Variants in KLF13 observed in about 807,000 individuals in gnomAD.
KLF13 encodes the protein KLF transcription factor 13.
A neutral mutation model predicts 16.7 loss-of-function variants in KLF13; 8 were observed. The observed-to-expected ratio is 0.48, with a 90% CI of 0.28 to 0.87. The LOEUF is 0.87. Among genes scored for constraint, KLF13 ranks in the 40% least tolerant of loss-of-function variants. The probability of loss-of-function intolerance (pLI) is 0.10; values close to 1 mark genes in which losing one functional copy is unlikely to be tolerated. For missense variants in KLF13, 447 were observed against 452.2 expected, an observed-to-expected ratio of 0.99 and a Z score of 0.10; for synonymous variants, 245 against 208.4, an observed-to-expected ratio of 1.18 and a Z score of -1.51.
chr15:31,424,697 T>A (rs1351333279), intron 1 of KLF13, among the ~76,000 whole-genome samples: 1 of 152,110 alleles, frequency 6.6e-6, no homozygotes, highest in Non-Finnish European at 1.5e-5. Flanking sequence ...GAAAGCTTTA[T>A]CTCTAAGGTT....
chr15:31,425,117 T>C (rs1052936626), intron 1 of KLF13, among the ~76,000 whole-genome samples: 1 of 152,036 alleles, frequency 6.6e-6, no homozygotes, highest in Non-Finnish European at 1.5e-5. Context: ...CTACAAAACA[T>C]TGCTGAAAGA....
chr15:31,383,185 C>CT (rs2039749186), intron 1 of KLF13, among the ~76,000 whole-genome samples: 1 of 152,230 alleles, frequency 6.6e-6, no homozygotes, highest in African/African-American at 2.4e-5. Context: ...CAGCTGCTCC[C>CT]TGTCTCTTGT....
At position 31,396,038 on chromosome 15, in the gene KLF13, T is replaced by C. The variant is rs147334910; in HGVS notation, n.529+2347T>C. Among the ~76,000 whole-genome samples, 1,015 of 152,308 alleles carry C rather than the reference T, an allele frequency of 6.7e-3. 5 individuals are homozygous for C. Among genetic ancestry groups the C allele is most frequent in the African/African-American group, 0.015 (634 of 41,564 alleles). The stretch of plus-strand genomic sequence containing the variant: ...TTTGTTTTTCTTTCTTTCTTTCTTT[T>C]TTTTGAGACGGAGTTTCGCTCTTGT... On this transcript the variant is annotated intron_variant and non_coding_transcript_variant, in intron 2 of 2. Coordinates refer to the KLF13 transcript ENST00000500533.
chr15:31,359,208 G>T (rs563610519), intron 1 of KLF13, among the ~76,000 whole-genome samples: 7 of 152,302 alleles, frequency 4.6e-5, no homozygotes, highest in Non-Finnish European at 8.8e-5. Context: ...TCGGGTGTGC[G>T]TGAAGGAGAG....
intron 1 of KLF13, among the ~76,000 whole-genome samples, chr15:31,425,577 G>A (rs2040390915): frequency 6.6e-6 from 1 of 152,164 alleles, no homozygotes; most frequent in Non-Finnish European, 1.5e-5. Flanking sequence ...CCTTATTGAT[G>A]AATATAAAGA....
intron 2 of KLF13, among the ~76,000 whole-genome samples, chr15:31,396,077 G>C (rs1351181049): frequency 6.6e-6 from 1 of 152,124 alleles, no homozygotes; most frequent in East Asian, 1.9e-4. Flanking sequence ...CCATGCTGGA[G>C]TGCAATGGCG....
intron 1 of KLF13, among the ~76,000 whole-genome samples, chr15:31,355,628 G>A (rs2039287967): frequency 6.6e-6 from 1 of 152,102 alleles, no homozygotes; most frequent in Admixed American, 6.5e-5. Flanking sequence ...TTCCCATGAT[G>A]GCACATGAGC....
chr15:31,405,060 G>A (rs1338251605), downstream of KLF13, among the ~76,000 whole-genome samples: 2 of 152,206 alleles, frequency 1.3e-5, no homozygotes, highest in African/African-American at 2.4e-5. Flanking sequence ...AAACTCATAT[G>A]TTGAGTTTCA....
chr15:31,404,160 T>A (rs1222526040), exon 3 of KLF13: 1 of 152,274 alleles, frequency 6.6e-6, no homozygotes, highest in African/African-American at 2.4e-5. Flanking sequence ...CCCGCGGCTA[T>A]CATGGACTTC....
At chr15:31,332,700 T>G (rs978067835) in intron 1 of KLF13, among the ~76,000 whole-genome samples, 1 of 152,194 alleles carries the variant, frequency 6.6e-6, no homozygotes, top group Admixed American at 6.5e-5. Flanking sequence ...TGCCCTTAGA[T>G]CCTGTGTGCT....
At chr15:31,422,136 A>AAC (rs1555383242) in intron 1 of KLF13, among the ~76,000 whole-genome samples, 1 of 15,192 alleles carries the variant, frequency 6.6e-5, no homozygotes, top group African/African-American at 1.5e-4. Flanking sequence ...AACAAACAAA[A>AAC]AAAAAAAAAA....
chr15:31,348,220 G>A (rs1049850384), intron 1 of KLF13, among the ~76,000 whole-genome samples: 3 of 152,208 alleles, frequency 2.0e-5, no homozygotes, highest in Non-Finnish European at 4.4e-5. Context: ...CAGGATGACT[G>A]TGGAAGGTGA....
In KLF13 at chr15:31,372,182, C is replaced by T. The variant is rs2039564747; in HGVS notation, c.750C>T (p.Ala250=). The T allele has an allele frequency of 3.1e-6, 5 of 1,611,780 alleles. No individual in the cohort carries two copies. The highest frequency in any genetic ancestry group is 4.2e-6 in the Non-Finnish European group (5 of 1,179,618). ...DHLTKHARRH[A]NFHPGMLQRR... Reference sequence around the variant, plus strand: ...TGACCAAGCACGCGCGCCGCCACGCCAACTTCCACCCGGGAATGCTGCAGC... The same window carrying T: ...TGACCAAGCACGCGCGCCGCCACGCTAACTTCCACCCGGGAATGCTGCAGC... Residue 250 remains alanine (A), a synonymous_variant, in exon 2 of 2, where the codon GCC becomes GCT. Coordinates refer to ENST00000307145, the MANE Select transcript of KLF13 (RefSeq NM_015995.4).
At chr15:31,334,048 G>T (rs1052228229) in intron 1 of KLF13, among the ~76,000 whole-genome samples, 4 of 152,168 alleles carry the variant, frequency 2.6e-5, no homozygotes, top group Admixed American at 6.5e-5. Context: ...CACCTGGTTG[G>T]TTTCTACTCC....
chr15:31,401,472 T>C (rs1445746669), intron 2 of KLF13, among the ~76,000 whole-genome samples: 1 of 152,156 alleles, frequency 6.6e-6, no homozygotes, highest in Non-Finnish European at 1.5e-5. Context: ...CTGCCTGCTT[T>C]GAGGGGAGCA....
At chr15:31,345,500 G>A (rs941228050) in intron 1 of KLF13, among the ~76,000 whole-genome samples, 3 of 152,218 alleles carry the variant, frequency 2.0e-5, no homozygotes, top group African/African-American at 4.8e-5. Context: ...TGAGCACCGC[G>A]TGCCTAGCAG....
intron 2 of KLF13, among the ~76,000 whole-genome samples, chr15:31,395,216 G>C (rs998984193): frequency 1.3e-5 from 2 of 152,208 alleles, no homozygotes; most frequent in Non-Finnish European, 2.9e-5. Flanking sequence ...CTGACCTCAA[G>C]TGATTTGCCC....
chr15:31,394,808 T>G (rs533324648), intron 2 of KLF13, among the ~76,000 whole-genome samples: 69 of 152,320 alleles, frequency 4.5e-4, no homozygotes, highest in African/African-American at 1.5e-3. Flanking sequence ...CACCCCGATA[T>G]TCCCCCATTT....
intron 1 of KLF13, among the ~76,000 whole-genome samples, chr15:31,350,432 G>T (rs2039198428): frequency 6.6e-6 from 1 of 152,224 alleles, no homozygotes; most frequent in African/African-American, 2.4e-5. Context: ...TCTCATTACA[G>T]ATCTCAAAGG....
Sources: allele counts gnomAD v4.1 joint callset (sites outside exome capture counted in the v4.1 genomes callset), GRCh38; gene constraint gnomAD v4.1.1; transcripts MANE v1.5; gene names NCBI Gene and HGNC (gene_info 2026-07-23, HGNC 2026-07-21).